Variants in PTPRA observed in about 807,000 individuals in gnomAD.
PTPRA encodes the protein receptor-type tyrosine-protein phosphatase alpha.
In PTPRA, 25 loss-of-function variants were observed where a neutral mutation model predicts 104.8. The ratio of observed to expected loss-of-function variants is 0.24; its 90% CI spans 0.17 to 0.33. PTPRA has a LOEUF of 0.33. Ranked by LOEUF, PTPRA falls within the 10% of genes least tolerant of loss-of-function variation. PTPRA has a pLI of 1.00. For synonymous variants in PTPRA, 323 were observed against 368.9 expected, an observed-to-expected ratio of 0.88 and a Z score of 1.43; for missense variants, 765 against 1,015.3, an observed-to-expected ratio of 0.75 and a Z score of 3.35.
At chr20:2,909,793 TTAGA>T (rs1428739237) in intron 1 of PTPRA, among the ~76,000 whole-genome samples, 1 of 132,310 alleles carries the variant, frequency 7.6e-6, no homozygotes, top group African/African-American at 2.9e-5. Flanking sequence ...ATAATATATA[TTAGA>T]TAATATATAT....
At position 3,017,884 on chromosome 20, in the gene PTPRA, A is replaced by G. The variant is rs2064546941; in HGVS notation, c.1012A>G (p.Met338Val). ...GGAACAAAACACAGCCACCATCGTC[A>G]TGGTTACCAACCTGAAGGAGAGAAA... ...IWEQNTATIV[M>V]VTNLKERKEC... is the part of the protein sequence containing the mutation. The change falls in exon 13 of 24, where the codon ATG (methionine) becomes GTG (valine). Residue 338 changes from methionine (M) to valine (V), a missense_variant. By Grantham distance (21) the Met-to-Val change is conservative (BLOSUM62 1). This residue lies in a region of PTPRA where 245 missense variants were observed against 398.7 expected (regional missense o/e 0.61). Coordinates refer to ENST00000399903, the MANE Select transcript of PTPRA (RefSeq NM_001385305.1). 28 of 1,614,210 alleles carry G rather than the reference A, an allele frequency of 1.7e-5. No homozygotes were observed. The highest frequency in any genetic ancestry group is 2.4e-5 in the Non-Finnish European group (28 of 1,180,026).
chr20:2,923,763 A>C (rs1343220729), intron 2 of PTPRA, among the ~76,000 whole-genome samples: 1 of 152,126 alleles, frequency 6.6e-6, no homozygotes, highest in East Asian at 1.9e-4. Context: ...CGCACACTGC[A>C]TTCCATTCTG....
At chr20:2,910,000 C>A (rs368426887) in intron 1 of PTPRA, among the ~76,000 whole-genome samples, 2,402 of 73,064 alleles carry the variant, frequency 0.033, 64 homozygotes, top group African/African-American at 0.14. Flanking sequence ...TATATATAAT[C>A]TATCATATAT....
intron 5 of PTPRA, 134 bp from the exon 6 acceptor site, chr20:2,975,080 GT>G: frequency 1.4e-6 from 1 of 732,720 alleles, no homozygotes; most frequent in Middle Eastern, 3.9e-4. Context: ...GGGCAGCCTT[GT>G]TTCCCAGTTG....
chr20:3,036,204 G>A (rs1490114800), intron 22 of PTPRA, among the ~76,000 whole-genome samples: 3 of 152,150 alleles, frequency 2.0e-5, no homozygotes, highest in African/African-American at 4.8e-5. Flanking sequence ...TGGAGACCCC[G>A]GTTGTGCTAT....
At chr20:3,014,405 A>G (rs1322450890) in intron 11 of PTPRA, among the ~76,000 whole-genome samples, 1 of 152,032 alleles carries the variant, frequency 6.6e-6, no homozygotes, top group Non-Finnish European at 1.5e-5. Context: ...TGGGAGGCCA[A>G]GGTGGGCGGA....
At chr20:3,038,019 T>C (rs760379618) in intron 23 of PTPRA, 40 bp from the exon 24 acceptor site, 3 of 1,520,706 alleles carry the variant, frequency 2.0e-6, no homozygotes, top group Admixed American at 1.7e-5. Flanking sequence ...CTGTGTGTTC[T>C]TCAGTAACCC....
chr20:2,912,560 G>C (rs1249310075), intron 1 of PTPRA, among the ~76,000 whole-genome samples: 2 of 152,142 alleles, frequency 1.3e-5, no homozygotes, highest in African/African-American at 2.4e-5. Flanking sequence ...GGAGGTGGAG[G>C]TTGAAGTGAG....
intron 1 of PTPRA, among the ~76,000 whole-genome samples, chr20:2,883,512 C>T (rs1469838592): frequency 2.7e-4 from 19 of 69,292 alleles, no homozygotes; most frequent in East Asian, 9.4e-4. Flanking sequence ...ATTAGCCGGG[C>T]GTGGTGGCGG....
chr20:2,918,087 CAAAA>C (rs149539458), intron 1 of PTPRA, among the ~76,000 whole-genome samples: 12 of 94,292 alleles, frequency 1.3e-4, no homozygotes, highest in Admixed American at 2.2e-4. Flanking sequence ...GACTCTGTCT[CAAAA>C]AAAAAAAAAA....
At chr20:2,905,012 G>A (rs1350822556) in intron 1 of PTPRA, among the ~76,000 whole-genome samples, 2 of 152,184 alleles carry the variant, frequency 1.3e-5, no homozygotes, top group African/African-American at 4.8e-5. Flanking sequence ...AGCAGGATAT[G>A]AACTTTAGGC....
chr20:2,981,333 A>C (rs1331873100), intron 6 of PTPRA, among the ~76,000 whole-genome samples: 1 of 152,184 alleles, frequency 6.6e-6, no homozygotes, highest in African/African-American at 2.4e-5. Context: ...GATTTGCCTT[A>C]AAAGAATTCA....
chr20:3,038,155 C>T lies in PTPRA; in HGVS notation c.*22C>T. 2 of 1,578,848 alleles carry T rather than the reference C, an allele frequency of 1.3e-6. No individual in the cohort carries two copies. Among genetic ancestry groups the T allele is most frequent in the South Asian group, 2.2e-5 (2 of 90,210 alleles). Reference sequence around the variant, plus strand: ...GTAAGCGGCAACAAGGGTCCGTGGACCAGGAGGATTGCCTTTAATATTTTG... The same window carrying T: ...GTAAGCGGCAACAAGGGTCCGTGGATCAGGAGGATTGCCTTTAATATTTTG... On this transcript the variant is annotated 3_prime_UTR_variant, in exon 24 of 24. Coordinates refer to ENST00000399903, the MANE Select transcript of PTPRA (RefSeq NM_001385305.1).
At chr20:2,881,152 C>G (rs1369870112) in intron 1 of PTPRA, among the ~76,000 whole-genome samples, 1 of 151,542 alleles carries the variant, frequency 6.6e-6, no homozygotes, top group African/African-American at 2.4e-5. Context: ...ACTAAAAATA[C>G]AAGAATTCGC....
chr20:2,875,646 T>A (rs1188673641), intron 1 of PTPRA, among the ~76,000 whole-genome samples: 1 of 152,254 alleles, frequency 6.6e-6, no homozygotes, highest in Non-Finnish European at 1.5e-5. Context: ...AGCTATTTTT[T>A]ATTTGCCTTG....
intron 3 of PTPRA, among the ~76,000 whole-genome samples, chr20:2,948,291 T>A (rs1471365306): frequency 3.9e-5 from 6 of 152,198 alleles, no homozygotes; most frequent in Non-Finnish European, 5.9e-5. Context: ...CTTGGAGCCT[T>A]CCAGTTTACC....
the PTPRA span, among the ~76,000 whole-genome samples, chr20:2,867,619 G>A: frequency 4.0e-5 from 6 of 151,748 alleles, no homozygotes; most frequent in Admixed American, 2.6e-4. Context: ...GCCTTCCCTT[G>A]GCACTCCAGT....
In PTPRA at chr20:2,950,395, T is replaced by C. The variant is rs971075659; in HGVS notation, c.-7+2371T>C. 1.3e-5 allele frequency among the ~76,000 whole-genome samples: 2 copies of C among 151,994 alleles called. No individual in the cohort carries two copies. Among genetic ancestry groups the C allele is most frequent in the Non-Finnish European group, 2.9e-5 (2 of 67,984 alleles). ...GGCTCACACCTGTAATCCCAGCACT[T>C]TGGGAGGCCGAGGCGGGCGGATCAC... On this transcript the variant is annotated intron_variant, in intron 3 of 23. Coordinates refer to ENST00000399903, the MANE Select transcript of PTPRA (RefSeq NM_001385305.1). The surrounding 1 kb of genome is among the most constrained non-coding windows in gnomAD (Gnocchi z 4.0).
intron 1 of PTPRA, among the ~76,000 whole-genome samples, chr20:2,921,819 T>C (rs1334684521): frequency 6.6e-6 from 1 of 152,144 alleles, no homozygotes; most frequent in Non-Finnish European, 1.5e-5. Context: ...GATTGCCTGA[T>C]AGAGGAATAC....
Sources: gnomAD v4.1 joint callset for allele counts (sites outside exome capture counted in the v4.1 genomes callset) on GRCh38, gnomAD v4.1.1 for gene constraint, gnomAD v4.1.1 regional missense constraint, Gnocchi (gnomAD v3.1) non-coding constraint, MANE v1.5 for transcripts, NCBI Gene and HGNC (gene_info 2026-07-23, HGNC 2026-07-21) for gene names.